CFAP221: variants seen among roughly 807,000 people sequenced by gnomAD.
CFAP221 encodes the protein cilia- and flagella-associated protein 221.
In CFAP221, 97 loss-of-function variants were observed where a neutral mutation model predicts 113.1. The ratio of observed to expected loss-of-function variants is 0.86; its 90% CI spans 0.73 to 1.02. The LOEUF (loss-of-function observed/expected upper bound fraction) is 1.02, where lower values mean the gene tolerates loss of function less well. Ranked by LOEUF, CFAP221 falls within the 50% of genes least tolerant of loss-of-function variation. The pLI is 0.00. For synonymous variants in CFAP221, 331 were observed against 354.4 expected (o/e 0.93, Z 0.74); for missense variants, 1,025 against 1,013.4 (o/e 1.01, Z -0.16).
intron 8 of CFAP221, chr2:119,602,869 C>A: frequency 3.8e-6 from 3 of 787,302 alleles, no homozygotes; most frequent in Non-Finnish European, 4.6e-6. Context: ...CCTTCCATGG[C>A]TGTGCTTTTA....
At chr2:119,644,230 CATCACTATTTCA>C (rs1280365518) in intron 21 of CFAP221, among the ~76,000 whole-genome samples, 1 of 152,184 alleles carries the variant, frequency 6.6e-6, no homozygotes, top group African/African-American at 2.4e-5. Context: ...CATCTACTGT[CATCACTATTTCA>C]ATTTTAAATG....
At chr2:119,570,223 T>C (rs1343877034) in intron 6 of CFAP221, among the ~76,000 whole-genome samples, 1 of 152,234 alleles carries the variant, frequency 6.6e-6, no homozygotes, top group Non-Finnish European at 1.5e-5. Context: ...ACTTCTTAGT[T>C]GTCCCTCACC....
Position 119,604,957 on chromosome 2 carries a change from G to T in CFAP221, c.994G>T (p.Gly332Ter). The T allele has an allele frequency of 1.9e-6, 3 of 1,614,028 alleles. No individual in the cohort carries two copies. The highest frequency in any genetic ancestry group is 3.3e-5 in the Admixed American group (2 of 60,000). Residue 332 changes from glycine to a stop codon, truncating the protein, a stop_gained, in exon 10 of 24, where the codon GGA (glycine) becomes TGA (stop). Coordinates refer to ENST00000413369, the MANE Select transcript of CFAP221 (RefSeq NM_001271049.2). LOFTEE classifies it high-confidence loss of function. ...AVATVLNQEP[G>*]KLKIKELREV... ...GGCAACTGTTTTAAACCAAGAACCA[G>T]GAAAATTGAAGATTAAAGAATTAAG...
chr2:119,613,652 C>T (rs1257629427), intron 13 of CFAP221, among the ~76,000 whole-genome samples: 3 of 152,326 alleles, frequency 2.0e-5, no homozygotes, highest in East Asian at 3.9e-4. Context: ...AGCAGCAAGG[C>T]CCTGGGCCCA....
chr2:119,571,151 T>A (rs1021672639), intron 6 of CFAP221, among the ~76,000 whole-genome samples: 2 of 147,604 alleles, frequency 1.4e-5, no homozygotes, highest in South Asian at 4.5e-4. Context: ...TTTTTTTTTT[T>A]TTTTTTGAGC....
intron 21 of CFAP221, among the ~76,000 whole-genome samples, chr2:119,642,884 C>G (rs538051166): frequency 6.6e-6 from 1 of 151,756 alleles, no homozygotes; most frequent in East Asian, 1.9e-4. Flanking sequence ...CATGAGGGCT[C>G]CACCCCTATG....
chr2:119,580,339 A>G (rs988045975), intron 6 of CFAP221: 4 of 152,178 alleles, frequency 2.6e-5, no homozygotes, highest in Middle Eastern at 3.2e-3. Context: ...CAGAATTTTT[A>G]TCAGAAACCT....
chr2:119,653,930 CT>C (rs1228604605), intron 23 of CFAP221, among the ~76,000 whole-genome samples: 2 of 152,226 alleles, frequency 1.3e-5, no homozygotes, highest in East Asian at 3.9e-4. Context: ...CATTTCTCTT[CT>C]TTTATGAGGG....
intron 6 of CFAP221, among the ~76,000 whole-genome samples, chr2:119,566,191 G>A (rs1385579233): frequency 1.3e-5 from 2 of 152,200 alleles, no homozygotes; most frequent in Admixed American, 1.3e-4. Context: ...AAATGAGCCA[G>A]CAAAAGGAGG....
intron 22 of CFAP221, chr2:119,648,459 TG>T: frequency 3.1e-6 from 1 of 326,310 alleles, no homozygotes; most frequent in South Asian, 2.5e-5. Context: ...CTGGATCTGC[TG>T]CTGTATCTGT....
chr2:119,545,616 A>T (rs891321400), intron 1 of CFAP221, among the ~76,000 whole-genome samples: 1 of 152,222 alleles, frequency 6.6e-6, no homozygotes, highest in Non-Finnish European at 1.5e-5. Context: ...CTGAAATGCC[A>T]GTGTCCTGTA....
intron 23 of CFAP221, among the ~76,000 whole-genome samples, chr2:119,655,046 C>G (rs1371635375): frequency 6.6e-6 from 1 of 152,210 alleles, no homozygotes; most frequent in Non-Finnish European, 1.5e-5. Context: ...AGAGCCTGGA[C>G]AGACAGGGAC....
At chr2:119,637,339 G>A (rs946809269) in intron 19 of CFAP221, among the ~76,000 whole-genome samples, 1 of 152,054 alleles carries the variant, frequency 6.6e-6, no homozygotes, top group Non-Finnish European at 1.5e-5. Context: ...ACTCACCACC[G>A]CTGGGCCCTC....
intron 6 of CFAP221, chr2:119,572,459 T>A (rs1682129942): frequency 1.5e-6 from 1 of 649,164 alleles, no homozygotes; most frequent in Non-Finnish European, 2.8e-6. Flanking sequence ...ATGGATATGC[T>A]TATATTAGAT....
chr2:119,611,747 GTAACTTTC>G lies in CFAP221; in HGVS notation c.1311+6_1311+13del, dbSNP rs1439806545. 6.2e-7 allele frequency: 1 copy of G among 1,604,484 alleles called. No homozygotes were observed. The highest frequency in any genetic ancestry group is 1.3e-5 in the African/African-American group (1 of 74,660). On this transcript the variant is annotated splice_donor_region_variant and intron_variant, in intron 13 of 23. Coordinates refer to ENST00000413369, the MANE Select transcript of CFAP221 (RefSeq NM_001271049.2). Reference sequence around the variant, plus strand: ...GTTGTTCGCAATCAAGAAGAGGTGGGTAACTTTCCTTTATTTAGAATCTGATTATTGGC... The same window carrying G: ...GTTGTTCGCAATCAAGAAGAGGTGGGCTTTATTTAGAATCTGATTATTGGC...
intron 3 of CFAP221, among the ~76,000 whole-genome samples, chr2:119,550,248 A>G (rs949251159): frequency 4.6e-5 from 7 of 152,194 alleles, no homozygotes; most frequent in African/African-American, 1.7e-4. Flanking sequence ...AAGGTAGATT[A>G]TTTTAAGAAA....
chr2:119,560,029 A>C lies in CFAP221; in HGVS notation c.426+3A>C, dbSNP rs1429709826. On this transcript the variant is annotated splice_donor_region_variant and intron_variant, in intron 5 of 23. Transcript: ENST00000413369. ...ACTGCATCCGTGTTCACTGTAAGGT[A>C]GGTCTCTTAAAATTGCTTTTTTTTT... The C allele has an allele frequency of 9.1e-7, 1 of 1,102,664 alleles. No individual in the cohort carries two copies. The highest frequency in any genetic ancestry group is 1.3e-6 in the Non-Finnish European group (1 of 776,886). 68.3% of individuals were successfully genotyped at this position (1,102,664 alleles called of 1,614,324 possible). A position where few individuals can be genotyped will look rare whatever the true frequency, so the allele number is the denominator to read the frequency against.
At chr2:119,641,768 G>T (rs981139494) in intron 21 of CFAP221, among the ~76,000 whole-genome samples, 21 of 152,180 alleles carry the variant, frequency 1.4e-4, no homozygotes, top group Non-Finnish European at 1.9e-4. Context: ...GCGATAGTCC[G>T]TCACCACATT....
intron 15 of CFAP221, 113 bp from the exon 16 acceptor site, chr2:119,627,540 T>C (rs376913450): frequency 3.4e-6 from 2 of 581,672 alleles, no homozygotes; most frequent in South Asian, 2.4e-5. Flanking sequence ...TATATATATA[T>C]ATATACACAC....
Sources: gnomAD v4.1 joint callset for allele counts (sites outside exome capture counted in the v4.1 genomes callset) on GRCh38, gnomAD v4.1.1 for gene constraint, MANE v1.5 for transcripts, NCBI Gene and HGNC (gene_info 2026-07-23, HGNC 2026-07-21) for gene names.